Variants in THAP7 observed in about 807,000 individuals in gnomAD.
THAP7 encodes the protein THAP domain-containing protein 7.
THAP7 carries 22 observed loss-of-function variants against 29.2 expected under a neutral mutation model. The observed-to-expected ratio is 0.75, with a 90% confidence interval of 0.54 to 1.08. The LOEUF (loss-of-function observed/expected upper bound fraction) is 1.08. Among genes scored for constraint, THAP7 ranks in the 50% least tolerant of loss-of-function variants. The probability of loss-of-function intolerance (pLI) is 0.00; values close to 1 mark genes in which losing one functional copy is unlikely to be tolerated. For missense variants in THAP7, 448 were observed against 416.2 expected (o/e 1.08, Z -0.66); for synonymous variants, 208 against 173.4 (o/e 1.20, Z -1.57).
At chr22:21,001,689 G>C in intron 1 of THAP7, 143 bp downstream of exon 1, 4 of 1,036,442 alleles carry the variant, frequency 3.9e-6, no homozygotes, top group Non-Finnish European at 5.4e-6. Flanking sequence ...CAGTCCCGCC[G>C]GGACCGTTCC....
At chr22:21,001,735 G>T in intron 1 of THAP7, 97 bp downstream of exon 1, 1 of 1,315,230 alleles carries the variant, frequency 7.6e-7, no homozygotes, top group Non-Finnish European at 1.0e-6. Flanking sequence ...AGCCTCCTCA[G>T]TATCTGAGAA....
intron 2 of THAP7, 93 bp from the exon 3 acceptor site, chr22:21,000,880 G>A: frequency 2.5e-6 from 4 of 1,570,882 alleles, no homozygotes; most frequent in South Asian, 2.3e-5. Context: ...GATGCTGGAA[G>A]GCATCGTGCA....
chr22:21,001,900 G>A lies in THAP7; in HGVS notation c.12C>T (p.His4=). 6.4e-7 allele frequency: 1 copy of A among 1,570,422 alleles called. No individual in the cohort carries two copies. The highest frequency in any genetic ancestry group is 8.6e-7 in the Non-Finnish European group (1 of 1,159,326). ...GTGTGCAGCAGCCGGCGGCGGAGCA[G>A]TGACGCGGCATCTGGGAAAGAGGCG... MPR[H]CSAAGCCTRD... The change falls in exon 1 of 4, where the codon CAC becomes CAT. Residue 4 remains histidine (H), a synonymous_variant. Transcript: ENST00000215742.
At chr22:21,000,828 C>T in intron 2 of THAP7, 41 bp from the exon 3 acceptor site, 1 of 1,611,476 alleles carries the variant, frequency 6.2e-7, no homozygotes, top group South Asian at 1.1e-5. Context: ...AGAGCAAGTG[C>T]TGCCTCCCCA....
In THAP7 at chr22:20,999,779, T is replaced by C; in HGVS notation, c.*101A>G. The C allele has an allele frequency of 7.1e-7, 1 of 1,403,654 alleles. No homozygotes were observed. The highest frequency in any genetic ancestry group is 9.5e-7 in the Non-Finnish European group (1 of 1,051,316). 86.9% of individuals were successfully genotyped at this position (1,403,654 alleles called of 1,614,324 possible). Reference sequence around the variant, plus strand: ...TGAGCCAGACAGCAGGCCCTCCGTCTAGAATCCGCTTTATTATGGCACCTG... The same window carrying C: ...TGAGCCAGACAGCAGGCCCTCCGTCCAGAATCCGCTTTATTATGGCACCTG... On this transcript the variant is annotated 3_prime_UTR_variant, in exon 4 of 4. Coordinates refer to ENST00000215742, the MANE Select transcript of THAP7 (RefSeq NM_030573.3).
At chr22:21,001,623 G>A in intron 1 of THAP7, 1 of 894,084 alleles carries the variant, frequency 1.1e-6, no homozygotes, top group Admixed American at 2.9e-5. Flanking sequence ...GCAGGTAACA[G>A]AGTGGGGCGG....
In THAP7 at chr22:21,001,195, C is replaced by T. The variant is rs374588728; in HGVS notation, c.236+61G>A. On this transcript the variant is annotated intron_variant, in intron 2 of 3. Transcript: ENST00000215742. Reference sequence around the variant, plus strand: ...CTCAAGGGACTTCCATGACCTGCAGCTGTCCCAGTCCGCCGGGAGCCCCAC... The same window carrying T: ...CTCAAGGGACTTCCATGACCTGCAGTTGTCCCAGTCCGCCGGGAGCCCCAC... 5.3e-5 allele frequency: 84 copies of T among 1,594,342 alleles called. 1 individual carries two copies. In the South Asian group the frequency reaches 8.3e-4, roughly 16 times the overall value.
rs563569316 is a variant in THAP7, at chr22:21,001,201, C to A, written c.236+55G>T. 1.6e-5 allele frequency: 26 copies of A among 1,599,818 alleles called. No individual in the cohort carries two copies. The African/African-American group carries it at 2.1e-4, about 13-fold the overall frequency. ...GGACTTCCATGACCTGCAGCTGTCC[C>A]AGTCCGCCGGGAGCCCCACATCCTA... On this transcript the variant is annotated intron_variant, in intron 2 of 3. Transcript: ENST00000215742.
At position 21,000,177 on chromosome 22, in the gene THAP7, G is replaced by T; in HGVS notation, c.633C>A (p.Pro211=). Residue 211 remains proline (P), a synonymous_variant, in exon 4 of 4, where the codon CCC becomes CCA. Transcript: ENST00000215742. ...PSPLEPRPVS[P]SAYMLRLPPP... is the part of the protein sequence containing the mutation. ...GGGGCAGGCGCAGCATATACGCTGA[G>T]GGGGAGACTGGCCGTGGTTCGAGAG... is the stretch of plus-strand genomic sequence containing the variant. 2 of 1,569,344 alleles carry T rather than the reference G, an allele frequency of 1.3e-6. No individual in the cohort carries two copies. The highest frequency in any genetic ancestry group is 1.7e-6 in the Non-Finnish European group (2 of 1,157,312).
Position 21,001,336 on chromosome 22 carries a change from G to A in THAP7, c.156C>T (p.Gly52=). ...TGTACTCGGATGCCGGGTCCCACAGGCCCTGGCCGCTGGGGTCCAGCCGCT... is the reference window on the plus strand; with the variant it reads ...TGTACTCGGATGCCGGGTCCCACAGACCCTGGCCGCTGGGGTCCAGCCGCT... ...NCQRLDPSGQ[G]LWDPASEYIY... Residue 52 remains glycine (G), a synonymous_variant, in exon 2 of 4, where the codon GGC becomes GGT. Transcript: ENST00000215742. 6.2e-7 allele frequency: 1 copy of A among 1,614,000 alleles called. No individual in the cohort carries two copies. Among genetic ancestry groups the A allele is most frequent in the Non-Finnish European group, 8.5e-7 (1 of 1,180,008 alleles).
In THAP7 at chr22:20,999,762, A is replaced by T. The variant is rs575608766; in HGVS notation, c.*118T>A. ...GGGCTCCAGCCCCCAGCTGAGCCAG[A>T]CAGCAGGCCCTCCGTCTAGAATCCG... On this transcript the variant is annotated 3_prime_UTR_variant, in exon 4 of 4. Transcript: ENST00000215742. 2.0e-4 allele frequency: 251 copies of T among 1,256,526 alleles called. 4 individuals are homozygous for T. In the South Asian group the frequency reaches 3.6e-3, roughly 18 times the overall value. The allele number at this position is 1,256,526 out of a possible 1,614,324, so 77.8% of individuals were successfully genotyped here.
rs975295334 is a variant in THAP7 at position 21,001,961 on chromosome 22, A to C, written c.-50T>G. 1.3e-6 allele frequency: 2 copies of C among 1,503,012 alleles called. No homozygotes were observed. Among genetic ancestry groups the C allele is most frequent in the African/African-American group, 2.8e-5 (2 of 71,080 alleles). 93.1% of individuals were successfully genotyped at this position (1,503,012 alleles called of 1,614,324 possible). A position where few individuals can be genotyped will look rare whatever the true frequency, so the allele number is the denominator to read the frequency against. On this transcript the variant is annotated 5_prime_UTR_variant, in exon 1 of 4. Transcript: ENST00000215742. ...CGCAAGCGGCTCTCCGGGCATCCGGAGGAGCCTCGCGCCTCCAGCCGCCGC... is the reference window on the plus strand; with the variant it reads ...CGCAAGCGGCTCTCCGGGCATCCGGCGGAGCCTCGCGCCTCCAGCCGCCGC...
In THAP7 at chr22:20,999,941, C is replaced by G; in HGVS notation, c.869G>C (p.Arg290Pro). The part of the protein sequence containing the change: ...AREKRAQADA[R>P]QTLKEHVQDF... ...CTGCACATGCTCCTTCAGAGTCTGGCGGGCATCTGCCTGTGCCCGCTTCTC... is the reference window on the plus strand; with the variant it reads ...CTGCACATGCTCCTTCAGAGTCTGGGGGGCATCTGCCTGTGCCCGCTTCTC... The change falls in exon 4 of 4, where the codon CGC becomes CCC. Residue 290 changes from arginine (R) to proline (P), a missense_variant. By Grantham distance (103) the Arg-to-Pro change is moderately radical (BLOSUM62 -2). Transcript: ENST00000215742. 6.2e-7 allele frequency: 1 copy of G among 1,612,108 alleles called. No homozygotes were observed. Among genetic ancestry groups the G allele is most frequent in the Non-Finnish European group, 8.5e-7 (1 of 1,179,978 alleles).
intron 3 of THAP7, 101 bp downstream of exon 3, chr22:21,000,546 T>G (rs983495492): frequency 5.7e-6 from 9 of 1,582,314 alleles, no homozygotes; most frequent in Non-Finnish European, 7.7e-6. Flanking sequence ...AGGTTCTGTG[T>G]AGCAAGAACC....
At position 21,001,891 on chromosome 22, in the gene THAP7, G is replaced by A. The variant is rs1429364129; in HGVS notation, c.21C>T (p.Ala7=). 5 of 1,573,118 alleles carry A rather than the reference G, an allele frequency of 3.2e-6. No homozygotes were observed. The highest frequency in any genetic ancestry group is 2.4e-5 in the East Asian group (1 of 42,254). ...GCGTGTCCCGTGTGCAGCAGCCGGC[G>A]GCGGAGCAGTGACGCGGCATCTGGG... The part of the protein sequence containing the change: MPRHCS[A]AGCCTRDTRE... Residue 7 remains alanine, a synonymous_variant, in exon 1 of 4, where the codon GCC becomes GCT. Transcript: ENST00000215742.
chr22:21,001,293 G>C lies in THAP7; in HGVS notation c.199C>G (p.His67Asp). The change falls in exon 2 of 4, where the codon CAC (histidine) becomes GAC (aspartate). Residue 67 changes from histidine to aspartate, a missense_variant. His to Asp is a moderately conservative substitution (Grantham distance 81). Coordinates refer to ENST00000215742, the MANE Select transcript of THAP7 (RefSeq NM_030573.3). ...AGCTCAAAGCAGTCCTCCTCAAAGT[G>C]TTTGGAGCAGAAGTAGATGTACTCG... is the stretch of plus-strand genomic sequence containing the variant. The part of the protein sequence containing the change: ...ASEYIYFCSK[H>D]FEEDCFELVG... 6.2e-7 allele frequency: 1 copy of C among 1,614,142 alleles called. No homozygotes were observed. The highest frequency in any genetic ancestry group is 1.1e-5 in the South Asian group (1 of 91,082).
chr22:21,000,865 C>A, intron 2 of THAP7, 78 bp from the exon 3 acceptor site: 1 of 1,590,906 alleles, frequency 6.3e-7, no homozygotes, highest in Non-Finnish European at 8.6e-7. Context: ...GCAGCAGCGC[C>A]GTGGGATGCT....
At chr22:21,001,039 G>C in intron 2 of THAP7, 1 of 857,452 alleles carries the variant, frequency 1.2e-6, no homozygotes, top group South Asian at 1.8e-5. Flanking sequence ...TTGCTGGCAA[G>C]ACTGGGGCTC....
chr22:20,999,910 A>C lies in THAP7; in HGVS notation c.900T>G (p.Phe300Leu). Residue 300 changes from phenylalanine (F) to leucine (L), a missense_variant, in exon 4 of 4, where the codon TTT becomes TTG. Phe to Leu is a conservative substitution (Grantham distance 22). Coordinates refer to ENST00000215742, the MANE Select transcript of THAP7 (RefSeq NM_030573.3). ...RQTLKEHVQDFAMQLSSSMA is the reference protein window; with the variant it reads ...RQTLKEHVQDLAMQLSSSMA ...CCATGCTGCTGCTCAGCTGCATGGC[A>C]AAGTCCTGCACATGCTCCTTCAGAG... is the stretch of plus-strand genomic sequence containing the variant. 6.2e-7 allele frequency: 1 copy of C among 1,610,460 alleles called. No homozygotes were observed. Among genetic ancestry groups the C allele is most frequent in the Non-Finnish European group, 8.5e-7 (1 of 1,179,894 alleles).
Sources: gnomAD v4.1 joint callset for allele counts on GRCh38, gnomAD v4.1.1 for gene constraint, MANE v1.5 for transcripts, NCBI Gene and HGNC (gene_info 2026-07-23, HGNC 2026-07-21) for gene names.